The following EMID1 variants were observed in gnomAD, a reference collection of about 807,000 sequenced individuals.
The protein encoded by EMID1 is EMI domain containing 1, also known as EMI domain-containing protein 1.
EMID1 carries 40 observed loss-of-function variants against 60.6 expected under a neutral mutation model. That is an observed-to-expected ratio of 0.66 (90% CI 0.51 to 0.86). The LOEUF is 0.86. Ranked by LOEUF, EMID1 falls within the 40% of genes least tolerant of loss-of-function variation. The pLI is 0.00. For missense variants in EMID1, 585 were observed against 597.1 expected (o/e 0.98, Z 0.21); for synonymous variants, 242 against 231.0 (o/e 1.05, Z -0.43).
chr22:29,237,536 C>G (rs898445446), intron 12 of EMID1, among the ~76,000 whole-genome samples: 1 of 143,972 alleles, frequency 6.9e-6, no homozygotes, highest in African/African-American at 2.7e-5. Context: ...CGGTGGCTCA[C>G]GCCTATAATC....
chr22:29,233,879 G>A (rs1444672964), intron 10 of EMID1: 2 of 672,446 alleles, frequency 3.0e-6, no homozygotes, highest in East Asian at 2.7e-5. Context: ...AGAACCATGT[G>A]TGGTTATCAC....
Position 29,259,311 on chromosome 22 carries a change from T to G in EMID1, c.*367T>G. ...AGAGATGACAGGGCAGGGGGCAGTC[T>G]TCCTCCCCCTCCCCGACCAAACCTC... On this transcript the variant is annotated 3_prime_UTR_variant, in exon 15 of 15. Coordinates refer to ENST00000334018, the MANE Select transcript of EMID1 (RefSeq NM_133455.4). 2 of 247,296 alleles carry G rather than the reference T, an allele frequency of 8.1e-6. No individual in the cohort carries two copies. Among genetic ancestry groups the G allele is most frequent in the Non-Finnish European group, 1.6e-5 (2 of 128,058 alleles). 15.3% of individuals were successfully genotyped at this position (247,296 alleles called of 1,614,324 possible).
At chr22:29,256,186 T>A (rs1048284258) in intron 14 of EMID1, among the ~76,000 whole-genome samples, 13 of 152,034 alleles carry the variant, frequency 8.6e-5, no homozygotes, top group Admixed American at 3.9e-4. Context: ...TTTTAAAGAC[T>A]GAGAGGCCGG....
chr22:29,228,713 A>G (rs553040451), intron 5 of EMID1, among the ~76,000 whole-genome samples: 1 of 151,888 alleles, frequency 6.6e-6, no homozygotes, highest in Admixed American at 6.6e-5. Context: ...TCCTGCCCCA[A>G]CCTCCTGAGT....
In EMID1 at chr22:29,214,968, T is replaced by C. The variant is rs1195988991; in HGVS notation, c.144T>C (p.His48=). ...SYVVTRTISC[H]VQNGTYLQRV... is the part of the protein sequence containing the mutation. Reference sequence around the variant, plus strand: ...TGGTGACCCGCACCATCTCATGCCATGTGCAGAATGGCACCTACCTTCAGC... The same window carrying C: ...TGGTGACCCGCACCATCTCATGCCACGTGCAGAATGGCACCTACCTTCAGC... The change falls in exon 2 of 15, where the codon CAT becomes CAC. Residue 48 remains histidine (H), a synonymous_variant. Coordinates refer to ENST00000334018, the MANE Select transcript of EMID1 (RefSeq NM_133455.4). 7.1e-6 allele frequency: 11 copies of C among 1,551,858 alleles called. No homozygotes were observed. In the East Asian group the frequency reaches 2.7e-4, roughly 37 times the overall value.
intron 1 of EMID1, among the ~76,000 whole-genome samples, chr22:29,212,527 G>A (rs929750140): frequency 1.3e-5 from 2 of 151,072 alleles, no homozygotes; most frequent in Admixed American, 1.3e-4. Context: ...CCTGGGGCAC[G>A]TCCTGGACCC....
chr22:29,236,893 A>G (rs62227042), intron 12 of EMID1, among the ~76,000 whole-genome samples: 4 of 148,174 alleles, frequency 2.7e-5, no homozygotes, highest in Non-Finnish European at 4.5e-5. Context: ...GCCTCCCGGG[A>G]TCAAGCAATT....
chr22:29,207,187 A>G (rs951451080), intron 1 of EMID1, among the ~76,000 whole-genome samples: 40 of 152,186 alleles, frequency 2.6e-4, no homozygotes, highest in African/African-American at 9.6e-4. Flanking sequence ...AGCAGTTGAC[A>G]TGGGCAGGGC....
intron 12 of EMID1, among the ~76,000 whole-genome samples, chr22:29,237,477 G>A (rs2040995570): frequency 1.4e-5 from 2 of 143,830 alleles, no homozygotes; most frequent in South Asian, 2.3e-4. Context: ...CACCATGCCC[G>A]GCCATGCTCC....
intron 12 of EMID1, among the ~76,000 whole-genome samples, chr22:29,242,886 C>G (rs1255927561): frequency 1.3e-5 from 2 of 152,156 alleles, no homozygotes; most frequent in African/African-American, 2.4e-5. Context: ...AACTCTGTCT[C>G]CTATATGGTG....
At chr22:29,253,588 A>T (rs906352798) in intron 13 of EMID1, among the ~76,000 whole-genome samples, 3 of 152,226 alleles carry the variant, frequency 2.0e-5, no homozygotes, top group African/African-American at 7.2e-5. Context: ...GTCTCAAAAA[A>T]AAATGTACTT....
At chr22:29,243,636 A>G in intron 13 of EMID1, 147 bp downstream of exon 13, 1 of 960,908 alleles carries the variant, frequency 1.0e-6, no homozygotes, top group Non-Finnish European at 1.6e-6. Context: ...AGCCTTGGCA[A>G]TTATCAGCCC....
chr22:29,221,707 C>T (rs916970822), intron 3 of EMID1, among the ~76,000 whole-genome samples: 5 of 152,134 alleles, frequency 3.3e-5, no homozygotes, highest in African/African-American at 1.2e-4. Flanking sequence ...GCAGATCTCC[C>T]CACAACCTGT....
intron 2 of EMID1, 123 bp downstream of exon 2, chr22:29,215,162 A>T: frequency 3.5e-6 from 5 of 1,423,178 alleles, no homozygotes; most frequent in Non-Finnish European, 4.6e-6. Context: ...GGCGGAGCAA[A>T]GGTAGCATCA....
intron 13 of EMID1, among the ~76,000 whole-genome samples, chr22:29,249,008 T>C (rs1003082444): frequency 6.6e-6 from 1 of 152,172 alleles, no homozygotes; most frequent in Non-Finnish European, 1.5e-5. Flanking sequence ...CATTCTCTCT[T>C]ACATATTTAT....
intron 14 of EMID1, 38 bp from the exon 15 acceptor site, chr22:29,258,779 C>A: frequency 6.2e-7 from 1 of 1,609,756 alleles, no homozygotes; most frequent in South Asian, 1.1e-5. Flanking sequence ...TCACATGAAC[C>A]CCTCTAATGT....
At chr22:29,208,123 G>T (rs1415464035) in intron 1 of EMID1, among the ~76,000 whole-genome samples, 2 of 152,192 alleles carry the variant, frequency 1.3e-5, no homozygotes, top group Non-Finnish European at 2.9e-5. Flanking sequence ...GGAGCTTGAG[G>T]AGTCTGTGGG....
In EMID1 at chr22:29,258,940, G is replaced by A. The variant is rs767346775; in HGVS notation, c.1328G>A (p.Gly443Asp). The change falls in exon 15 of 15, where the codon GGC (glycine) becomes GAC (aspartate). Residue 443 changes from glycine to aspartate, a missense_variant. Transcript: ENST00000334018. The part of the protein sequence containing the change: ...IVAPRSRDER[G>D] ...GCCCCCAGGAGCCGGGACGAGAGAG[G>A]CTGAGGGTGGTGGCGGCCCCTGAGG... The A allele has an allele frequency of 3.1e-6, 5 of 1,612,090 alleles. No homozygotes were observed. Among genetic ancestry groups the A allele is most frequent in the Admixed American group, 3.3e-5 (2 of 59,902 alleles).
intron 13 of EMID1, among the ~76,000 whole-genome samples, chr22:29,250,544 A>G (rs201450190): frequency 1.4e-5 from 2 of 147,674 alleles, no homozygotes; most frequent in African/African-American, 5.0e-5. Context: ...GAATGGCTTC[A>G]TGGAATTTTA....
Sources: allele counts gnomAD v4.1 joint callset (sites outside exome capture counted in the v4.1 genomes callset), GRCh38; gene constraint gnomAD v4.1.1; transcripts MANE v1.5; gene names NCBI Gene and HGNC (gene_info 2026-07-23, HGNC 2026-07-21).